The following ROBO2 variants were observed in gnomAD, a reference collection of about 807,000 sequenced individuals.
ROBO2 encodes the protein roundabout guidance receptor 2.
Under a neutral mutation model 160.8 loss-of-function variants are expected in ROBO2, and 53 were observed. That is an observed-to-expected ratio of 0.33 (90% confidence interval 0.26 to 0.41). The LOEUF (loss-of-function observed/expected upper bound fraction) is 0.41, where lower values mean the gene tolerates loss of function less well. Among genes scored for constraint, ROBO2 ranks in the 10% least tolerant of loss-of-function variants. The pLI is 1.00. For synonymous variants in ROBO2, 664 were observed against 611.7 expected, an observed-to-expected ratio of 1.09 and a Z score of -1.26; for missense variants, 1,577 against 1,722.4, an observed-to-expected ratio of 0.92 and a Z score of 1.49.
At chr3:76,127,894 C>CTTTTTTTT (rs10691388) in intron 2 of ROBO2, among the ~76,000 whole-genome samples, 11 of 117,636 alleles carry the variant, frequency 9.4e-5, no homozygotes, top group Admixed American at 2.1e-4. Context: ...GAAGACATTT[C>CTTTTTTTT]TTTTTTTTTT....
chr3:77,285,663 A>ACTCTCTAT (rs1194952242), intron 2 of ROBO2, among the ~76,000 whole-genome samples: 3 of 152,216 alleles, frequency 2.0e-5, no homozygotes, highest in African/African-American at 7.2e-5. Context: ...GATCACGTTC[A>ACTCTCTAT]CTCTCTATCT....
intron 2 of ROBO2, among the ~76,000 whole-genome samples, chr3:76,503,875 T>G (rs182706974): frequency 2.0e-4 from 30 of 152,344 alleles, no homozygotes; most frequent in African/African-American, 7.0e-4. Flanking sequence ...GAGACCTGTT[T>G]TTAAAAGTTT....
chr3:76,421,393 T>G (rs2075989632), intron 2 of ROBO2, among the ~76,000 whole-genome samples: 1 of 152,084 alleles, frequency 6.6e-6, no homozygotes, highest in African/African-American at 2.4e-5. Context: ...AAACATTTTT[T>G]CCAACAATAA....
At chr3:76,157,813 A>G (rs999983530) in intron 2 of ROBO2, among the ~76,000 whole-genome samples, 1 of 152,168 alleles carries the variant, frequency 6.6e-6, no homozygotes, top group Admixed American at 6.5e-5. Flanking sequence ...TTCCACTCTC[A>G]TAGATTTAAC....
intron 2 of ROBO2, among the ~76,000 whole-genome samples, chr3:76,518,909 A>T (rs75240875): frequency 0.013 from 1,913 of 152,224 alleles, 96 homozygotes; most frequent in Admixed American, 0.087. Context: ...AAAACCTAAA[A>T]TTTTTTTGAA....
intron 2 of ROBO2, among the ~76,000 whole-genome samples, chr3:77,455,812 C>G (rs2081581467): frequency 6.6e-6 from 1 of 151,802 alleles, no homozygotes; most frequent in Non-Finnish European, 1.5e-5. Context: ...TATCAAATGC[C>G]ATCATCCTAT....
chr3:75,936,714 T>G (rs1947795598), intron 1 of ROBO2, among the ~76,000 whole-genome samples: 1 of 152,106 alleles, frequency 6.6e-6, no homozygotes, highest in South Asian at 2.1e-4. Flanking sequence ...TCTTTAGAGC[T>G]ACTGTGTATC....
chr3:76,963,434 A>G (rs1342448186), intron 2 of ROBO2, among the ~76,000 whole-genome samples: 2 of 152,278 alleles, frequency 1.3e-5, no homozygotes, highest in South Asian at 2.1e-4. Flanking sequence ...CATGAGGGGA[A>G]CTTAGCACTA....
chr3:76,100,384 C>T (rs1011633183), intron 2 of ROBO2, among the ~76,000 whole-genome samples: 12 of 152,160 alleles, frequency 7.9e-5, no homozygotes, highest in Non-Finnish European at 1.5e-4. Context: ...ATGAAAACTG[C>T]TCTTTGTCTG....
rs202109989 is a variant in ROBO2, at chr3:76,698,841, A to AT, written c.110-399167dup. Among the ~76,000 whole-genome samples the AT allele has an allele frequency of 7.5e-3, 1,149 of 152,258 alleles. 14 individuals carry two copies. The highest frequency in any genetic ancestry group is 0.021 in the African/African-American group (888 of 41,548). On this transcript the variant is annotated intron_variant, in intron 2 of 26. Coordinates refer to the ROBO2 transcript ENST00000487694. ...GTAGGGAGAGGTTATCAGCCAATGC[A>AT]TTTTTTAAATAAATGTTTATATTTT...
chr3:76,701,130 T>C (rs1460585425), intron 2 of ROBO2, among the ~76,000 whole-genome samples: 1 of 152,096 alleles, frequency 6.6e-6, no homozygotes, highest in African/African-American at 2.4e-5. Flanking sequence ...GCCCGCTTTT[T>C]GCAAAAGGAA....
At chr3:76,328,497 C>T (rs184503288) in intron 2 of ROBO2, among the ~76,000 whole-genome samples, 8 of 152,196 alleles carry the variant, frequency 5.3e-5, no homozygotes, top group South Asian at 2.1e-4. Context: ...GAGGCCGAGG[C>T]GGGCAGATGA....
intron 2 of ROBO2, among the ~76,000 whole-genome samples, chr3:76,421,552 C>A (rs1049229265): frequency 6.6e-6 from 1 of 150,664 alleles, no homozygotes; most frequent in Non-Finnish European, 1.5e-5. Context: ...CGTGGAGAAA[C>A]CCCGTCTCCA....
chr3:77,219,231 C>G (rs7648563), intron 2 of ROBO2, among the ~76,000 whole-genome samples: 87,028 of 151,170 alleles, frequency 0.58, 25,856 homozygotes, highest in African/African-American at 0.71. Flanking sequence ...CAGCCTCCCA[C>G]AGTGCTGAGA....
At chr3:76,940,061 A>G (rs1355083646) in intron 2 of ROBO2, among the ~76,000 whole-genome samples, 1 of 144,052 alleles carries the variant, frequency 6.9e-6, no homozygotes, top group Non-Finnish European at 1.5e-5. Context: ...GGCTCACTGC[A>G]AGCTCCGCCT....
In ROBO2 at chr3:77,478,891, C is replaced by A. The variant is rs186984480; in HGVS notation, c.546+1320C>A. On this transcript the variant is annotated intron_variant, in intron 3 of 25. Transcript: ENST00000461745. ...CAAAGATATTTTTTCCCTTCACCCT[C>A]TAAAGGTTTAAGTCTTTTAGTCTGC... 2.2e-3 allele frequency among the ~76,000 whole-genome samples: 342 copies of A among 152,218 alleles called. 2 individuals carry two copies. Among genetic ancestry groups the A allele is most frequent in the Non-Finnish European group, 3.8e-3 (261 of 67,996 alleles).
At chr3:77,154,041 T>G (rs1466967320) in intron 2 of ROBO2, among the ~76,000 whole-genome samples, 5 of 152,110 alleles carry the variant, frequency 3.3e-5, no homozygotes, top group African/African-American at 1.2e-4. Flanking sequence ...TTACTTCATC[T>G]GCTACTTCAC....
intron 2 of ROBO2, among the ~76,000 whole-genome samples, chr3:76,873,012 T>C (rs149722799): frequency 6.6e-6 from 1 of 152,276 alleles, no homozygotes; most frequent in Admixed American, 6.5e-5. Flanking sequence ...GATATATTGG[T>C]ATTTTAAATA....
intron 2 of ROBO2, among the ~76,000 whole-genome samples, chr3:76,073,006 TC>T (rs1433671297): frequency 9.9e-5 from 15 of 152,168 alleles, no homozygotes; most frequent in Admixed American, 9.8e-4. Context: ...TTTTCAGTGT[TC>T]CACAAGAAAC....
Sources: allele counts gnomAD v4.1 joint callset (sites outside exome capture counted in the v4.1 genomes callset), GRCh38; gene constraint gnomAD v4.1.1; transcripts MANE v1.5; gene names NCBI Gene and HGNC (gene_info 2026-07-23, HGNC 2026-07-21).